BRINP2: variants seen among roughly 807,000 people sequenced by gnomAD.
BRINP2 encodes the protein BMP/retinoic acid inducible neural specific 2.
Under a neutral mutation model 69.2 loss-of-function variants are expected in BRINP2, and 21 were observed. That is an observed-to-expected ratio of 0.30 (90% CI 0.22 to 0.44). The LOEUF is 0.44. Ranked by LOEUF, BRINP2 falls within the 20% of genes least tolerant of loss-of-function variation. The probability of loss-of-function intolerance (pLI) is 1.00; values close to 1 mark genes in which losing one functional copy is unlikely to be tolerated. For missense variants in BRINP2, 877 were observed against 986.0 expected, an observed-to-expected ratio of 0.89 and a Z score of 1.48; for synonymous variants, 380 against 394.1, an observed-to-expected ratio of 0.96 and a Z score of 0.42.
Position 177,281,532 on chromosome 1 carries a change from G to C in BRINP2, c.*4G>C, listed in dbSNP as rs777061353. 13 of 1,594,040 alleles carry C rather than the reference G, an allele frequency of 8.2e-6. No individual in the cohort carries two copies. The South Asian group carries it at 1.3e-4, about 17-fold the overall frequency. ...GACCGGCAAACTCTGTAGCTAATGGGCGGCCCACTTCAGCACTGGGCAAGG... is the reference window on the plus strand; with the variant it reads ...GACCGGCAAACTCTGTAGCTAATGGCCGGCCCACTTCAGCACTGGGCAAGG... On this transcript the variant is annotated 3_prime_UTR_variant, in exon 8 of 8. Transcript: ENST00000361539.
In BRINP2 at chr1:177,230,160, C is replaced by T; in HGVS notation, c.269+15C>T. The T allele has an allele frequency of 1.3e-6, 2 of 1,580,608 alleles. No homozygotes were observed. The highest frequency in any genetic ancestry group is 1.7e-6 in the Non-Finnish European group (2 of 1,159,744). Reference sequence around the variant, plus strand: ...AGGATTTATAGGTAAGTGGGGGCCTCCACTGAGACAGGGGCTTCCCTAAGA... The same window carrying T: ...AGGATTTATAGGTAAGTGGGGGCCTTCACTGAGACAGGGGCTTCCCTAAGA... On this transcript the variant is annotated intron_variant, in intron 2 of 7. Coordinates refer to ENST00000361539, the MANE Select transcript of BRINP2 (RefSeq NM_021165.4).
chr1:177,184,196 G>A (rs1648354893), intron 1 of BRINP2, among the ~76,000 whole-genome samples: 1 of 152,130 alleles, frequency 6.6e-6, no homozygotes, highest in Non-Finnish European at 1.5e-5. Flanking sequence ...TTATGGTTAG[G>A]TTTGTAGGAC....
At chr1:177,249,145 T>C (rs1178776699) in intron 2 of BRINP2, among the ~76,000 whole-genome samples, 1 of 152,250 alleles carries the variant, frequency 6.6e-6, no homozygotes, top group Non-Finnish European at 1.5e-5. Context: ...AGTGTCGGTA[T>C]GCTTGGCTGA....
At chr1:177,197,569 C>T (rs2102300957) in intron 1 of BRINP2, among the ~76,000 whole-genome samples, 2 of 152,286 alleles carry the variant, frequency 1.3e-5, no homozygotes, top group Middle Eastern at 6.8e-3. Context: ...GGAAGGGAGA[C>T]TTTGCCAGGA....
chr1:177,257,585 G>A (rs1270265823), intron 4 of BRINP2, among the ~76,000 whole-genome samples: 2 of 152,184 alleles, frequency 1.3e-5, no homozygotes, highest in Non-Finnish European at 2.9e-5. Flanking sequence ...CCCACTCTGA[G>A]GCAGGCTACA....
At chr1:177,279,574 C>T (rs1651625847) in intron 7 of BRINP2, among the ~76,000 whole-genome samples, 1 of 152,152 alleles carries the variant, frequency 6.6e-6, no homozygotes, top group Admixed American at 6.5e-5. Flanking sequence ...CGGCCAGCAA[C>T]CCAGTGGTAC....
chr1:177,274,365 A>G (rs1299896424), intron 5 of BRINP2, among the ~76,000 whole-genome samples: 3 of 152,222 alleles, frequency 2.0e-5, no homozygotes. Context: ...TGTTTAAGAT[A>G]TTATTGTCTC....
intron 1 of BRINP2, 69 bp downstream of exon 1, chr1:177,171,801 A>T (rs912367645): frequency 6.6e-6 from 1 of 152,104 alleles, no homozygotes; most frequent in East Asian, 1.9e-4. Flanking sequence ...CCGTTGGTAA[A>T]GGGACCATTT....
At chr1:177,184,253 A>G (rs1648360191) in intron 1 of BRINP2, among the ~76,000 whole-genome samples, 1 of 152,184 alleles carries the variant, frequency 6.6e-6, no homozygotes, top group Admixed American at 6.5e-5. Context: ...CTTAAACTGA[A>G]CAGAGTCAGC....
rs144093275 is a variant in BRINP2, at chr1:177,248,472, C to CGT, written c.270-7431_270-7430dup. On this transcript the variant is annotated intron_variant, in intron 2 of 7. Coordinates refer to ENST00000361539, the MANE Select transcript of BRINP2 (RefSeq NM_021165.4). ...GTGTGTGTGCGTGCGTGTGTGTGTG[C>CGT]GTGTGTGTGTGTGTGTGCGTGCGTG... 8.7e-3 allele frequency among the ~76,000 whole-genome samples: 1,023 copies of CGT among 117,618 alleles called. 18 individuals are homozygous for CGT. Among genetic ancestry groups the CGT allele is most frequent in the African/African-American group, 0.028 (899 of 31,554 alleles). 77.2% of individuals were successfully genotyped at this position (117,618 alleles called of 152,430 possible).
At chr1:177,206,821 T>C (rs182655651) in intron 1 of BRINP2, among the ~76,000 whole-genome samples, 1 of 152,210 alleles carries the variant, frequency 6.6e-6, no homozygotes, top group Non-Finnish European at 1.5e-5. Flanking sequence ...GTGGGTGAGA[T>C]GGAAACACAC....
chr1:177,243,565 C>G (rs1401795115), intron 2 of BRINP2, among the ~76,000 whole-genome samples: 5 of 152,086 alleles, frequency 3.3e-5, no homozygotes, highest in Admixed American at 6.6e-5. Flanking sequence ...GTAATTGAAC[C>G]CTTATCCAGC....
chr1:177,262,494 G>A (rs1486103994), intron 4 of BRINP2, among the ~76,000 whole-genome samples: 1 of 146,510 alleles, frequency 6.8e-6, no homozygotes, highest in Non-Finnish European at 1.5e-5. Context: ...CCTGGTGACA[G>A]AGCAAGCCTC....
chr1:177,174,897 A>G (rs556510774), intron 1 of BRINP2, among the ~76,000 whole-genome samples: 75 of 152,180 alleles, frequency 4.9e-4, no homozygotes, highest in Non-Finnish European at 9.4e-4. Context: ...CCCATCCTCA[A>G]GTCTAATCTA....
At chr1:177,215,017 TTCTA>T (rs1198918092) in intron 1 of BRINP2, among the ~76,000 whole-genome samples, 1 of 152,194 alleles carries the variant, frequency 6.6e-6, no homozygotes, top group Non-Finnish European at 1.5e-5. Context: ...AACTTATTTC[TTCTA>T]TCTGAGGCTT....
At position 177,238,132 on chromosome 1, in the gene BRINP2, G is replaced by A. The variant is rs114606716; in HGVS notation, c.269+7987G>A. Among the ~76,000 whole-genome samples the A allele has an allele frequency of 6.6e-3, 1,008 of 152,318 alleles. 12 individuals are homozygous for A. The highest frequency in any genetic ancestry group is 0.023 in the African/African-American group (956 of 41,568). On this transcript the variant is annotated intron_variant, in intron 2 of 7. Transcript: ENST00000361539. ...CTGGGGACAGACCCTGAAGGAGACA[G>A]AGCCCAGGCCTCAGAGAGTTCTGCT...
In BRINP2 at chr1:177,276,443, C is replaced by G; in HGVS notation, c.1012+9C>G. The G allele has an allele frequency of 6.2e-7, 1 of 1,611,650 alleles. No homozygotes were observed. Among genetic ancestry groups the G allele is most frequent in the Non-Finnish European group, 8.5e-7 (1 of 1,177,972 alleles). The stretch of plus-strand genomic sequence containing the variant: ...GCAGTTTGAAGAGTCAGGTGAGCAG[C>G]CAGAATTCCTCCCTGTCAATGAGAG... On this transcript the variant is annotated intron_variant, in intron 6 of 7. Transcript: ENST00000361539.
At chr1:177,223,268 A>G (rs1240788601) in intron 1 of BRINP2, among the ~76,000 whole-genome samples, 3 of 152,168 alleles carry the variant, frequency 2.0e-5, no homozygotes, top group African/African-American at 7.2e-5. Context: ...AGAGAGACCT[A>G]TAAATTTGGG....
chr1:177,254,803 C>T (rs566718742), intron 2 of BRINP2, among the ~76,000 whole-genome samples: 27 of 152,260 alleles, frequency 1.8e-4, no homozygotes, highest in Admixed American at 1.4e-3. Flanking sequence ...AGAAAACTTG[C>T]ATTCATCCTC....
Sources: gnomAD v4.1 joint callset for allele counts (sites outside exome capture counted in the v4.1 genomes callset) on GRCh38, gnomAD v4.1.1 for gene constraint, MANE v1.5 for transcripts, NCBI Gene and HGNC (gene_info 2026-07-23, HGNC 2026-07-21) for gene names.